The following RNF180 variants were observed in gnomAD, a reference collection of about 807,000 sequenced individuals.
RNF180 encodes the protein E3 ubiquitin-protein ligase RNF180.
Under a neutral mutation model 59.2 loss-of-function variants are expected in RNF180, and 38 were observed. The observed-to-expected ratio is 0.64, with a 90% confidence interval of 0.50 to 0.84. RNF180 has a LOEUF of 0.84. Among genes scored for constraint, RNF180 ranks in the 40% least tolerant of loss-of-function variants. The pLI is 0.00. For missense variants in RNF180, 705 were observed against 700.9 expected (o/e 1.01, Z -0.07); for synonymous variants, 262 against 240.3 (o/e 1.09, Z -0.84).
At chr5:64,333,735 G>A (rs1745010322) in intron 7 of RNF180, among the ~76,000 whole-genome samples, 1 of 152,106 alleles carries the variant, frequency 6.6e-6, no homozygotes, top group South Asian at 2.1e-4. Context: ...TTGCTTCCTT[G>A]TGATTTCTTC....
At chr5:64,249,004 A>G (rs1352894590) in intron 5 of RNF180, among the ~76,000 whole-genome samples, 1 of 152,214 alleles carries the variant, frequency 6.6e-6, no homozygotes, top group African/African-American at 2.4e-5. Context: ...TAACACAGGA[A>G]TAGAAAACCA....
chr5:64,304,932 C>A (rs1743351847), intron 5 of RNF180, among the ~76,000 whole-genome samples: 1 of 151,586 alleles, frequency 6.6e-6, no homozygotes, highest in Non-Finnish European at 1.5e-5. Context: ...CAGCAACCAC[C>A]ACCCTAATCA....
chr5:64,367,181 A>T (rs1371951121), intron 7 of RNF180, among the ~76,000 whole-genome samples: 1 of 151,614 alleles, frequency 6.6e-6, no homozygotes, highest in Non-Finnish European at 1.5e-5. Context: ...GATGGAATTC[A>T]TCACCACCAG....
chr5:64,233,509 A>T (rs1207999606), intron 5 of RNF180, among the ~76,000 whole-genome samples: 1 of 152,254 alleles, frequency 6.6e-6, no homozygotes, highest in East Asian at 1.9e-4. Context: ...GCTTTTGCTT[A>T]TGGACTATAT....
intron 5 of RNF180, among the ~76,000 whole-genome samples, chr5:64,270,994 T>A (rs1561230216): frequency 6.6e-6 from 1 of 152,112 alleles, no homozygotes; most frequent in Non-Finnish European, 1.5e-5. Flanking sequence ...TCTTAGTCAT[T>A]GATTCCTACT....
At chr5:64,348,119 A>G (rs1745626647) in intron 7 of RNF180, among the ~76,000 whole-genome samples, 1 of 152,080 alleles carries the variant, frequency 6.6e-6, no homozygotes, top group South Asian at 2.1e-4. Context: ...GTTATATATA[A>G]ATAATAGATT....
intron 5 of RNF180, among the ~76,000 whole-genome samples, chr5:64,227,622 T>A (rs1208173035): frequency 2.6e-5 from 4 of 152,214 alleles, no homozygotes; most frequent in Non-Finnish European, 5.9e-5. Flanking sequence ...GAATCTTGGT[T>A]CACATACTCT....
At chr5:64,336,418 C>G (rs1745127637) in intron 7 of RNF180, among the ~76,000 whole-genome samples, 1 of 152,190 alleles carries the variant, frequency 6.6e-6, no homozygotes, top group African/African-American at 2.4e-5. Context: ...ACTTCCAACT[C>G]TCTGCCACAA....
chr5:64,191,134 T>A (rs1431332303), intron 1 of RNF180, among the ~76,000 whole-genome samples: 1 of 152,256 alleles, frequency 6.6e-6, no homozygotes, highest in Non-Finnish European at 1.5e-5. Flanking sequence ...ATTTGTAGAC[T>A]ATTTTTAGAG....
At chr5:64,344,383 A>G (rs2112569160) in intron 7 of RNF180, among the ~76,000 whole-genome samples, 2 of 152,326 alleles carry the variant, frequency 1.3e-5, no homozygotes. Context: ...GCAATTCCAT[A>G]GGAAAACATA....
rs181823912 is a variant in RNF180, at chr5:64,368,656, A to G, written c.1580-959A>G. On this transcript the variant is annotated intron_variant, in intron 7 of 7. Transcript: ENST00000389100. Reference sequence around the variant, plus strand: ...CCATCAAAAATGGGCAAAGGATATGAACAGACAATTCTCAAAAGAAGACAT... The same window carrying G: ...CCATCAAAAATGGGCAAAGGATATGGACAGACAATTCTCAAAAGAAGACAT... 3.3e-5 allele frequency among the ~76,000 whole-genome samples: 5 copies of G among 152,248 alleles called. No individual in the cohort carries two copies. In the East Asian group the frequency reaches 9.7e-4, roughly 30 times the overall value.
chr5:64,292,465 G>A (rs1320518239), intron 5 of RNF180, among the ~76,000 whole-genome samples: 1 of 152,188 alleles, frequency 6.6e-6, no homozygotes, highest in Admixed American at 6.5e-5. Flanking sequence ...AGTGAAGGCT[G>A]CAAAACAGCA....
chr5:64,244,358 T>A (rs1743016910), intron 5 of RNF180, among the ~76,000 whole-genome samples: 1 of 150,798 alleles, frequency 6.6e-6, no homozygotes, highest in Non-Finnish European at 1.5e-5. Flanking sequence ...AAAGAGAAAT[T>A]GCTAACTAGA....
chr5:64,257,955 A>G (rs182188812), intron 5 of RNF180, among the ~76,000 whole-genome samples: 29 of 152,318 alleles, frequency 1.9e-4, no homozygotes, highest in East Asian at 1.7e-3. Flanking sequence ...TGCCTAGGAA[A>G]GCTGAGAAGG....
At chr5:64,190,094 A>G (rs1273180376) in intron 1 of RNF180, among the ~76,000 whole-genome samples, 1 of 152,112 alleles carries the variant, frequency 6.6e-6, no homozygotes, top group African/African-American at 2.4e-5. Flanking sequence ...TTGTGTCCAT[A>G]GCCTTAGGGG....
In RNF180 at chr5:64,213,686, T is replaced by C; in HGVS notation, c.360T>C (p.Thr120=). 1 of 1,614,188 alleles carries C rather than the reference T, an allele frequency of 6.2e-7. No individual in the cohort carries two copies. The highest frequency in any genetic ancestry group is 8.5e-7 in the Non-Finnish European group (1 of 1,180,022). The stretch of plus-strand genomic sequence containing the variant: ...CTGTACATCTCTCCAAGAGCCGGAC[T>C]GATTATCAGCCAACACAGGCAGGCA... ...LAAVHLSKSR[T]DYQPTQAGRL... Residue 120 remains threonine (T), a synonymous_variant, in exon 4 of 8, where the codon ACT becomes ACC. Transcript: ENST00000389100.
chr5:64,225,565 C>G (rs1741658364), intron 5 of RNF180, among the ~76,000 whole-genome samples: 1 of 126,744 alleles, frequency 7.9e-6, no homozygotes, highest in African/African-American at 3.2e-5. Context: ...CCTGGCTGCC[C>G]CGTCTGGGAG....
At chr5:64,221,459 A>G (rs1266281783) in intron 5 of RNF180, among the ~76,000 whole-genome samples, 5 of 152,126 alleles carry the variant, frequency 3.3e-5, no homozygotes, top group African/African-American at 9.6e-5. Context: ...TCAAATTATT[A>G]TTTCAGTATA....
At chr5:64,214,753 A>G (rs760359912) in intron 4 of RNF180, among the ~76,000 whole-genome samples, 1 of 152,214 alleles carries the variant, frequency 6.6e-6, no homozygotes, top group African/African-American at 2.4e-5. Context: ...ATTTTTCGCA[A>G]TTCTAATATT....
Sources: gnomAD v4.1 joint callset for allele counts (sites outside exome capture counted in the v4.1 genomes callset) on GRCh38, gnomAD v4.1.1 for gene constraint, MANE v1.5 for transcripts, NCBI Gene and HGNC (gene_info 2026-07-23, HGNC 2026-07-21) for gene names.